The following STMN2 variants were observed in gnomAD, a reference collection of about 807,000 sequenced individuals.
STMN2 encodes stathmin-2.
STMN2 carries 2 observed loss-of-function variants against 24.1 expected under a neutral mutation model. That is an observed-to-expected ratio of 0.08 (90% CI 0.03 to 0.26). The LOEUF (loss-of-function observed/expected upper bound fraction) is 0.26. Among genes scored for constraint, STMN2 ranks in the 10% least tolerant of loss-of-function variants. The pLI, the probability that STMN2 is intolerant of heterozygous loss-of-function variation, is 1.00. For synonymous variants in STMN2, 83 were observed against 77.5 expected (o/e 1.07, Z -0.37); for missense variants, 114 against 213.6 (o/e 0.53, Z 2.91).
rs11544486 is a variant in STMN2, at chr8:79,611,138, C to G, written c.-58C>G. The G allele has an allele frequency of 4.3e-6, 7 of 1,612,480 alleles. No homozygotes were observed. The highest frequency in any genetic ancestry group is 5.9e-6 in the Non-Finnish European group (7 of 1,179,158). On this transcript the variant is annotated 5_prime_UTR_variant, in exon 1 of 5. Transcript: ENST00000220876. ...ATTCAGTCTTCTCTCTCGCTCTCTCCGCTGCTGTAGCCGGACCCTTTGCCT... is the reference window on the plus strand; with the variant it reads ...ATTCAGTCTTCTCTCTCGCTCTCTCGGCTGCTGTAGCCGGACCCTTTGCCT...
chr8:79,657,306 C>T (rs1185507445), intron 4 of STMN2, among the ~76,000 whole-genome samples: 1 of 152,118 alleles, frequency 6.6e-6, no homozygotes, highest in Non-Finnish European at 1.5e-5. Context: ...TCACCTAGCC[C>T]AGCCATGCTC....
chr8:79,651,369 T>A (rs750304679), intron 3 of STMN2, among the ~76,000 whole-genome samples: 1 of 152,202 alleles, frequency 6.6e-6, no homozygotes, highest in Non-Finnish European at 1.5e-5. Context: ...CCCCATTAAA[T>A]TGAGTCATTT....
intron 1 of STMN2, among the ~76,000 whole-genome samples, chr8:79,630,270 T>C (rs1253149784): frequency 6.6e-6 from 1 of 152,256 alleles, no homozygotes; most frequent in Non-Finnish European, 1.5e-5. Context: ...ATCTGAATTT[T>C]TTTTTTATTT....
intron 1 of STMN2, among the ~76,000 whole-genome samples, chr8:79,629,118 A>G (rs772077980): frequency 1.6e-4 from 25 of 152,148 alleles, no homozygotes; most frequent in Non-Finnish European, 3.2e-4. Flanking sequence ...TGCTGAGGAT[A>G]ATTACACTGT....
At chr8:79,632,144 C>G (rs548748752) in intron 1 of STMN2, among the ~76,000 whole-genome samples, 58 of 152,276 alleles carry the variant, frequency 3.8e-4, no homozygotes, top group Middle Eastern at 6.8e-3. Context: ...CCCACTCTAC[C>G]CAGTTTAAAG....
At chr8:79,635,104 C>T (rs1029798968) in intron 1 of STMN2, among the ~76,000 whole-genome samples, 1 of 152,124 alleles carries the variant, frequency 6.6e-6, no homozygotes, top group Non-Finnish European at 1.5e-5. Flanking sequence ...TTTGCAGATA[C>T]TTGGCCTGAT....
At chr8:79,619,464 G>C (rs775721981) in intron 1 of STMN2, among the ~76,000 whole-genome samples, 3 of 151,934 alleles carry the variant, frequency 2.0e-5, no homozygotes, top group Non-Finnish European at 4.4e-5. Flanking sequence ...TTCCCAGTTT[G>C]GGCTTCCTAG....
At chr8:79,621,367 A>G (rs1474098583) in intron 1 of STMN2, among the ~76,000 whole-genome samples, 2 of 152,276 alleles carry the variant, frequency 1.3e-5, no homozygotes, top group Non-Finnish European at 2.9e-5. Flanking sequence ...GCATGCATTT[A>G]GAATGAGTAA....
chr8:79,630,797 T>C (rs1202033283), intron 1 of STMN2, among the ~76,000 whole-genome samples: 1 of 152,142 alleles, frequency 6.6e-6, no homozygotes, highest in Non-Finnish European at 1.5e-5. Context: ...ACCAGATGAA[T>C]AGACTCTCCA....
intron 4 of STMN2, among the ~76,000 whole-genome samples, chr8:79,656,004 T>G (rs1297732366): frequency 6.6e-6 from 1 of 152,138 alleles, no homozygotes; most frequent in Non-Finnish European, 1.5e-5. Flanking sequence ...GAGCCTCCTG[T>G]TTTCTATTTC....
chr8:79,630,750 G>C (rs1049600824), intron 1 of STMN2, among the ~76,000 whole-genome samples: 4 of 152,160 alleles, frequency 2.6e-5, no homozygotes, highest in Non-Finnish European at 5.9e-5. Context: ...TGCAGGAAAG[G>C]AAGAGCAAAG....
chr8:79,663,631 C>G, intron 4 of STMN2: 1 of 1,531,308 alleles, frequency 6.5e-7, no homozygotes, highest in Non-Finnish European at 8.7e-7. Flanking sequence ...GTCTCAATTT[C>G]TGGAGCTTCA....
At chr8:79,616,563 G>A (rs1379971096) in intron 1 of STMN2, among the ~76,000 whole-genome samples, 19 of 152,166 alleles carry the variant, frequency 1.2e-4, no homozygotes, top group Admixed American at 1.2e-3. Context: ...CAGACATTCT[G>A]TCTTCCGAAC....
Position 79,636,687 on chromosome 8 carries a change from T to A in STMN2, c.20-115T>A. 4.4e-6 allele frequency: 4 copies of A among 902,386 alleles called. No homozygotes were observed. In the South Asian group the frequency reaches 6.7e-5, roughly 15 times the overall value. 55.9% of individuals were successfully genotyped at this position (902,386 alleles called of 1,614,324 possible). ...TATTTAGTGAAAGAATGCAAAGGAG[T>A]CTACCTGGCAATATTCACTCTGCAG... On this transcript the variant is annotated intron_variant, in intron 1 of 4. Transcript: ENST00000220876.
chr8:79,611,248 A>G (rs1225471119), intron 1 of STMN2, 34 bp downstream of exon 1: 2 of 1,613,606 alleles, frequency 1.2e-6, no homozygotes, highest in Non-Finnish European at 1.7e-6. Context: ...CGTCGGCTCT[A>G]CCTGGAGCCC....
intron 3 of STMN2, 74 bp downstream of exon 3, chr8:79,641,624 G>GTCACT: frequency 2.1e-6 from 1 of 476,324 alleles, no homozygotes; most frequent in Non-Finnish European, 3.4e-6. Flanking sequence ...GGGCACACAT[G>GTCACT]CACGCACACA....
chr8:79,636,398 G>A (rs1053975313), intron 1 of STMN2, among the ~76,000 whole-genome samples: 4 of 152,028 alleles, frequency 2.6e-5, no homozygotes, highest in South Asian at 2.1e-4. Context: ...GTAGCCCTCC[G>A]GAATCTTACT....
intron 1 of STMN2, among the ~76,000 whole-genome samples, chr8:79,629,966 T>A (rs1280918443): frequency 1.3e-5 from 2 of 152,208 alleles, no homozygotes; most frequent in Non-Finnish European, 2.9e-5. Flanking sequence ...GAGGTTTTTA[T>A]GCAAACTCTT....
chr8:79,626,793 C>T (rs1185442325), intron 1 of STMN2, among the ~76,000 whole-genome samples: 1 of 152,198 alleles, frequency 6.6e-6, no homozygotes, highest in Admixed American at 6.5e-5. Context: ...GATGCCTTCC[C>T]TTGCCCTCAG....
Sources: gnomAD v4.1 joint callset for allele counts (sites outside exome capture counted in the v4.1 genomes callset) on GRCh38, gnomAD v4.1.1 for gene constraint, MANE v1.5 for transcripts, NCBI Gene and HGNC (gene_info 2026-07-23, HGNC 2026-07-21) for gene names.